Variants in TEX11 observed in about 807,000 individuals in gnomAD.
TEX11 encodes testis-expressed protein 11.
A neutral mutation model predicts 84.4 loss-of-function variants in TEX11; 7 were observed. That is an observed-to-expected ratio of 0.08 (90% confidence interval 0.05 to 0.16). TEX11 has a LOEUF of 0.16. Among genes scored for constraint, TEX11 ranks in the 10% least tolerant of loss-of-function variants. The probability of loss-of-function intolerance (pLI) is 1.00; values close to 1 mark genes in which losing one functional copy is unlikely to be tolerated. For missense variants in TEX11, 551 were observed against 660.5 expected (o/e 0.83, Z 1.82); for synonymous variants, 264 against 222.8 (o/e 1.18, Z -1.64).
chrX:70,520,994 A>T, the TEX11 span, among the ~76,000 whole-genome samples: 104 of 112,055 alleles, frequency 9.3e-4, no homozygotes, highest in East Asian at 5.4e-3. Context: ...CCGTTGGAAA[A>T]GTGCAGTATT....
chrX:70,633,911 C>T lies in TEX11; in HGVS notation c.1484-4176G>A, dbSNP rs151062048. ...CCAGCCTAGGTGACAGAACAGGTCT[C>T]GAAACAGAACAGGTCTCATAAACAA... is the stretch of plus-strand genomic sequence containing the variant. On this transcript the variant is annotated intron_variant, in intron 17 of 29. Coordinates refer to ENST00000374333, the MANE Select transcript of TEX11 (RefSeq NM_031276.3). Among the ~76,000 whole-genome samples, 703 of 110,761 alleles carry T rather than the reference C, an allele frequency of 6.3e-3. 3 individuals carry two copies. Among genetic ancestry groups the T allele is most frequent in the African/African-American group, 0.022 (677 of 30,379 alleles).
chrX:70,561,712 T>C (rs1214585611), intron 25 of TEX11, among the ~76,000 whole-genome samples: 1 of 111,360 alleles, frequency 9.0e-6, no homozygotes, highest in Non-Finnish European at 1.9e-5. Flanking sequence ...TAAAACTTTA[T>C]TCCAAATCAC....
intron 15 of TEX11, among the ~76,000 whole-genome samples, chrX:70,677,520 G>A (rs1036705884): frequency 1.8e-5 from 2 of 112,146 alleles, no homozygotes; most frequent in Non-Finnish European, 3.8e-5. Context: ...TCATCTCACT[G>A]AAGCTCTTTT....
rs770752230 is a variant in TEX11, at chrX:70,838,559, G to A, written c.526-4966C>T. On this transcript the variant is annotated intron_variant, in intron 7 of 29. Coordinates refer to ENST00000374333, the MANE Select transcript of TEX11 (RefSeq NM_031276.3). ...CCAGTCTACAGCTCCCAGTGTGAGC[G>A]ACGCAGAAGATGGGTGATTTCTGCA... Among the ~76,000 whole-genome samples, 32 of 112,695 alleles carry A rather than the reference G, an allele frequency of 2.8e-4. No homozygotes were observed. In the East Asian group the frequency reaches 8.7e-3, roughly 31 times the overall value.
rs773192666 is a variant in TEX11, at chrX:70,629,752, A to C, written c.1484-17T>G. ...CCTGCAAAGCTGAAAAACAAGAAAA[A>C]AATTCAAAAATGATATACTCTAATC... is the stretch of plus-strand genomic sequence containing the variant. On this transcript the variant is annotated splice_polypyrimidine_tract_variant and intron_variant, in intron 17 of 29. Coordinates refer to ENST00000374333, the MANE Select transcript of TEX11 (RefSeq NM_031276.3). 5.5e-6 allele frequency: 6 copies of C among 1,094,854 alleles called. No homozygotes were observed. The highest frequency in any genetic ancestry group is 2.1e-5 in the South Asian group (1 of 47,527). 90.2% of individuals were successfully genotyped at this position (1,094,854 alleles called of 1,213,427 possible).
At chrX:70,554,373 A>G (rs1278866684) in intron 26 of TEX11, among the ~76,000 whole-genome samples, 2 of 111,672 alleles carry the variant, frequency 1.8e-5, no homozygotes, top group African/African-American at 6.5e-5. Flanking sequence ...TTGAGCACCT[A>G]TTAGGAGCAA....
intron 25 of TEX11, among the ~76,000 whole-genome samples, chrX:70,562,480 C>T (rs1294452405): frequency 8.9e-6 from 1 of 112,225 alleles, no homozygotes; most frequent in African/African-American, 3.2e-5. Flanking sequence ...AACTAGAATA[C>T]AGTATTGTGC....
chrX:70,744,499 T>C (rs945102751), intron 9 of TEX11, among the ~76,000 whole-genome samples: 3 of 108,602 alleles, frequency 2.8e-5, no homozygotes, highest in Non-Finnish European at 5.7e-5. Flanking sequence ...ATATATAGCA[T>C]TGAATATATA....
chrX:70,519,000 G>A, the TEX11 span, among the ~76,000 whole-genome samples: 1 of 111,573 alleles, frequency 9.0e-6, no homozygotes, highest in Non-Finnish European at 1.9e-5. Context: ...TTGTGCCTAT[G>A]TGTGTCTCTG....
At position 70,802,466 on chromosome X, in the gene TEX11, T is replaced by C. The variant is rs763085397; in HGVS notation, c.692+4239A>G. On this transcript the variant is annotated intron_variant, in intron 9 of 29. Coordinates refer to ENST00000374333, the MANE Select transcript of TEX11 (RefSeq NM_031276.3). ...TCATTTCACAGTGTATATATATATA[T>C]CAAAACATCACATTGTACACTATTA... 3.6e-5 allele frequency among the ~76,000 whole-genome samples: 4 copies of C among 111,566 alleles called. 1 individual carries two copies. The highest frequency in any genetic ancestry group is 7.5e-5 in the Non-Finnish European group (4 of 53,113).
chrX:70,712,062 C>G (rs1395380070), intron 13 of TEX11, among the ~76,000 whole-genome samples: 1 of 111,401 alleles, frequency 9.0e-6, no homozygotes, highest in East Asian at 2.8e-4. Flanking sequence ...TTCCCCATTT[C>G]TTGTTTTTGT....
At chrX:70,558,785 T>C (rs1418457235) in intron 25 of TEX11, among the ~76,000 whole-genome samples, 1 of 111,840 alleles carries the variant, frequency 8.9e-6, no homozygotes, top group Non-Finnish European at 1.9e-5. Flanking sequence ...AGATATACAA[T>C]GGCCAATAAC....
chrX:70,812,506 C>A (rs111871318), intron 8 of TEX11, among the ~76,000 whole-genome samples: 1 of 111,179 alleles, frequency 9.0e-6, no homozygotes, highest in Non-Finnish European at 1.9e-5. Context: ...CGCGCCTGGC[C>A]CTTGAATTAA....
intron 9 of TEX11, among the ~76,000 whole-genome samples, chrX:70,758,612 T>C (rs192973511): frequency 1.8e-5 from 2 of 111,967 alleles, no homozygotes; most frequent in African/African-American, 3.3e-5. Context: ...GGGACACATT[T>C]AAAGCAGTGT....
intron 28 of TEX11, among the ~76,000 whole-genome samples, chrX:70,541,180 T>C (rs1210705888): frequency 4.5e-5 from 5 of 111,453 alleles, no homozygotes; most frequent in Non-Finnish European, 9.4e-5. Flanking sequence ...AGCAAGACCC[T>C]GTCTCAAAAA....
At chrX:70,846,661 C>T (rs182821747) in intron 7 of TEX11, among the ~76,000 whole-genome samples, 53 of 111,740 alleles carry the variant, frequency 4.7e-4, no homozygotes, top group African/African-American at 1.7e-3. Context: ...TGGTCGCTCA[C>T]GCCTGTAATC....
chrX:70,839,795 G>C (rs1434633962), intron 7 of TEX11, among the ~76,000 whole-genome samples: 1 of 111,804 alleles, frequency 8.9e-6, no homozygotes, highest in Non-Finnish European at 1.9e-5. Flanking sequence ...AGTCCTTCAA[G>C]GACCTGATGG....
chrX:70,878,641 A>G (rs1454538493), intron 3 of TEX11, among the ~76,000 whole-genome samples: 1 of 110,578 alleles, frequency 9.0e-6, no homozygotes. Flanking sequence ...AAAAAAAAAA[A>G]GTTTAGAGTT....
intron 13 of TEX11, among the ~76,000 whole-genome samples, chrX:70,718,693 T>C (rs1186562194): frequency 8.9e-6 from 1 of 111,907 alleles, no homozygotes; most frequent in African/African-American, 3.2e-5. Flanking sequence ...AGAACTGAAG[T>C]ATTTATTCCC....
Sources: gnomAD v4.1 joint callset for allele counts (sites outside exome capture counted in the v4.1 genomes callset) on GRCh38, gnomAD v4.1.1 for gene constraint, MANE v1.5 for transcripts, NCBI Gene and HGNC (gene_info 2026-07-23, HGNC 2026-07-21) for gene names.